The following DDC variants were observed in gnomAD, a reference collection of about 807,000 sequenced individuals.
DDC encodes the protein dopa decarboxylase.
In DDC, 43 loss-of-function variants were observed where a neutral mutation model predicts 60.0. The ratio of observed to expected loss-of-function variants is 0.72; its 90% confidence interval spans 0.56 to 0.92. DDC has a LOEUF of 0.92. DDC is among the 40% of genes least tolerant of loss of function. The probability of loss-of-function intolerance (pLI) is 0.00; values close to 1 mark genes in which losing one functional copy is unlikely to be tolerated. For missense variants in DDC, 573 were observed against 620.2 expected (o/e 0.92, Z 0.81); for synonymous variants, 232 against 234.6 (o/e 0.99, Z 0.10).
At chr7:50,554,066 G>A (rs1190430104) in intron 1 of DDC, among the ~76,000 whole-genome samples, 1 of 152,172 alleles carries the variant, frequency 6.6e-6, no homozygotes, top group African/African-American at 2.4e-5. Flanking sequence ...CCGCTCACAA[G>A]TGGCCTCCAG....
chr7:50,540,069 G>A lies in DDC; in HGVS notation c.202-41C>T, dbSNP rs769459545. 5.3e-6 allele frequency: 8 copies of A among 1,521,772 alleles called. No homozygotes were observed. In the South Asian group the frequency reaches 8.1e-5, roughly 15 times the overall value. The allele number at this position is 1,521,772 out of a possible 1,614,324, so 94.3% of individuals were successfully genotyped here. A position where few individuals can be genotyped will look rare whatever the true frequency, so the allele number is the denominator to read the frequency against. ...GAGCAGCTGCTGAGGAGTGAGGAAAGCCAGGCCTCAAGAGAGCGGGGGACC... is the reference window on the plus strand; with the variant it reads ...GAGCAGCTGCTGAGGAGTGAGGAAAACCAGGCCTCAAGAGAGCGGGGGACC... On this transcript the variant is annotated intron_variant, in intron 2 of 14. Transcript: ENST00000444124.
intron 6 of DDC, among the ~76,000 whole-genome samples, chr7:50,508,012 G>A (rs1348109141): frequency 6.6e-6 from 1 of 152,246 alleles, no homozygotes; most frequent in Non-Finnish European, 1.5e-5. Context: ...TTGTTGTCCT[G>A]CCACATGCTG....
rs190992702 is a variant in DDC, at chr7:50,560,145, G to A, written c.-29+5140C>T. Among the ~76,000 whole-genome samples the A allele has an allele frequency of 1.6e-4, 25 of 152,296 alleles. No individual in the cohort carries two copies. The East Asian group carries it at 4.8e-3, about 29-fold the overall frequency. On this transcript the variant is annotated intron_variant, in intron 1 of 14. Transcript: ENST00000444124. ...CAGGACTCCGGTGCCCCCAGCAAAA[G>A]GAGTGTTTTTCTCTGGCACCCTTGA...
chr7:50,549,297 T>C (rs999192703), intron 1 of DDC, among the ~76,000 whole-genome samples: 1 of 152,188 alleles, frequency 6.6e-6, no homozygotes, highest in Admixed American at 6.5e-5. Context: ...ATTCCTCTGA[T>C]GAACTTCAGC....
chr7:50,483,920 T>G (rs2153536997), intron 9 of DDC, among the ~76,000 whole-genome samples: 1 of 147,606 alleles, frequency 6.8e-6, no homozygotes, highest in Non-Finnish European at 1.5e-5. Flanking sequence ...AAAAAAAGAA[T>G]AATAATTTGG....
Position 50,543,926 on chromosome 7 carries a change from C to T in DDC, c.160G>A (p.Glu54Lys), listed in dbSNP as rs760546215. Residue 54 changes from glutamate to lysine, a missense_variant, in exon 2 of 15, where the codon GAG becomes AAG. Coordinates refer to ENST00000444124, the MANE Select transcript of DDC (RefSeq NM_001082971.2). ...AAAPQEPDTF[E>K]DIINDVEKII... ...TTCTCAACGTCGTTGATGATGTCCTCAAACGTGTCTGGCTCCTGAGGGGCA... is the reference window on the plus strand; with the variant it reads ...TTCTCAACGTCGTTGATGATGTCCTTAAACGTGTCTGGCTCCTGAGGGGCA... 6.2e-7 allele frequency: 1 copy of T among 1,614,214 alleles called. No individual in the cohort carries two copies. Among genetic ancestry groups the T allele is most frequent in the Admixed American group, 1.7e-5 (1 of 60,026 alleles).
At chr7:50,558,077 ACC>A (rs60312959) in intron 1 of DDC, among the ~76,000 whole-genome samples, 34,509 of 148,086 alleles carry the variant, frequency 0.23, 4,132 homozygotes, top group East Asian at 0.42. Context: ...TTCAGAAATC[ACC>A]CCCCCCCTTA....
chr7:50,537,798 C>T lies in DDC; in HGVS notation c.435+62G>A, dbSNP rs573289881. ...GCATGAGTGCCTCTTTCCCCACCTG[C>T]GGCTACAGTCCTGTGCAGAGCCCAT... On this transcript the variant is annotated intron_variant, in intron 4 of 14. Coordinates refer to ENST00000444124, the MANE Select transcript of DDC (RefSeq NM_001082971.2). 3.2e-5 allele frequency: 52 copies of T among 1,607,380 alleles called. No homozygotes were observed. The East Asian group carries it at 7.6e-4, about 23-fold the overall frequency.
chr7:50,518,063 T>G (rs2043787022), intron 6 of DDC, among the ~76,000 whole-genome samples: 1 of 151,668 alleles, frequency 6.6e-6, no homozygotes, highest in African/African-American at 2.4e-5. Flanking sequence ...ACAAAAAAAT[T>G]AGCCAGGCGT....
intron 6 of DDC, among the ~76,000 whole-genome samples, chr7:50,505,377 T>C (rs1258732778): frequency 1.3e-5 from 2 of 152,226 alleles, no homozygotes; most frequent in Non-Finnish European, 2.9e-5. Flanking sequence ...GATAATGAAA[T>C]TTCTTTGCAG....
chr7:50,510,923 G>T (rs2043548329), intron 6 of DDC, among the ~76,000 whole-genome samples: 1 of 142,724 alleles, frequency 7.0e-6, no homozygotes, highest in African/African-American at 2.6e-5. Flanking sequence ...GGAGTTTGCA[G>T]TGAGCCGAGA....
chr7:50,528,355 G>C (rs1410619582), intron 5 of DDC, 75 bp from the exon 6 acceptor site: 1 of 1,592,362 alleles, frequency 6.3e-7, no homozygotes, highest in African/African-American at 1.3e-5. Context: ...GATCGGCAGA[G>C]AGCAGCCAAC....
chr7:50,464,106 G>A (rs1277755087), intron 13 of DDC, among the ~76,000 whole-genome samples: 1 of 151,856 alleles, frequency 6.6e-6, no homozygotes, highest in Non-Finnish European at 1.5e-5. Flanking sequence ...TCCTTCTTCT[G>A]TTTGCAGGCA....
intron 9 of DDC, among the ~76,000 whole-genome samples, chr7:50,494,478 T>C (rs1205757060): frequency 2.0e-5 from 3 of 151,122 alleles, no homozygotes; most frequent in African/African-American, 7.3e-5. Context: ...CACTCCAGCC[T>C]GGGCGACAGA....
At chr7:50,554,796 G>T (rs2045125852) in intron 1 of DDC, among the ~76,000 whole-genome samples, 2 of 152,162 alleles carry the variant, frequency 1.3e-5, no homozygotes, top group African/African-American at 4.8e-5. Flanking sequence ...TGAAGATTCT[G>T]TGTCACTGAG....
At chr7:50,462,226 C>CAAAAAAAAACA (rs2042290523) in intron 14 of DDC, among the ~76,000 whole-genome samples, 1 of 75,378 alleles carries the variant, frequency 1.3e-5, no homozygotes, top group Non-Finnish European at 2.4e-5. Context: ...GACAAAAAGA[C>CAAAAAAAAACA]AAAAAAAAAA....
chr7:50,517,065 T>C (rs2043753372), intron 6 of DDC, among the ~76,000 whole-genome samples: 2 of 152,150 alleles, frequency 1.3e-5, no homozygotes, highest in South Asian at 4.1e-4. Flanking sequence ...CCCTAATTCA[T>C]TCTATGAAGT....
chr7:50,534,612 T>TAA lies in DDC; in HGVS notation c.435+3246_435+3247dup, dbSNP rs55868815. On this transcript the variant is annotated intron_variant, in intron 4 of 14. Coordinates refer to ENST00000444124, the MANE Select transcript of DDC (RefSeq NM_001082971.2). Reference sequence around the variant, plus strand: ...GACTTCGTCTAAAAACAAGACAAAATAAAAAAAAAAAATGAGAGGAACAAA... The same window carrying TAA: ...GACTTCGTCTAAAAACAAGACAAAATAAAAAAAAAAAAAATGAGAGGAACAAA... Among the ~76,000 whole-genome samples the TAA allele has an allele frequency of 9.7e-3, 1,441 of 148,696 alleles. 21 individuals carry two copies. Among genetic ancestry groups the TAA allele is most frequent in the South Asian group, 0.033 (157 of 4,730 alleles).
intron 11 of DDC, among the ~76,000 whole-genome samples, chr7:50,473,114 T>C (rs1190863581): frequency 6.6e-6 from 1 of 152,104 alleles, no homozygotes; most frequent in Admixed American, 6.5e-5. Context: ...GGTCACTGCA[T>C]TGTAGCTAAA....
Sources: gnomAD v4.1 joint callset for allele counts (sites outside exome capture counted in the v4.1 genomes callset) on GRCh38, gnomAD v4.1.1 for gene constraint, MANE v1.5 for transcripts, NCBI Gene and HGNC (gene_info 2026-07-23, HGNC 2026-07-21) for gene names.